LRCH1: variants seen among roughly 807,000 people sequenced by gnomAD.
The protein encoded by LRCH1 is leucine rich repeats and calponin homology domain containing 1.
In LRCH1, 23 loss-of-function variants were observed where a neutral mutation model predicts 94.9. The ratio of observed to expected loss-of-function variants is 0.24; its 90% CI spans 0.17 to 0.34. The LOEUF (loss-of-function observed/expected upper bound fraction) is 0.34. LRCH1 is among the 10% of genes least tolerant of loss of function. LRCH1 has a pLI of 1.00. For missense variants in LRCH1, 790 were observed against 945.9 expected (o/e 0.84, Z 2.16); for synonymous variants, 364 against 354.9 (o/e 1.03, Z -0.29).
intron 1 of LRCH1, among the ~76,000 whole-genome samples, chr13:46,600,711 G>A (rs941435251): frequency 1.3e-5 from 2 of 151,328 alleles, no homozygotes; most frequent in Non-Finnish European, 2.9e-5. Context: ...CTAAGGATAT[G>A]TGTTTCCATT....
chr13:46,688,447 C>T (rs946416044), intron 6 of LRCH1, among the ~76,000 whole-genome samples: 1 of 152,102 alleles, frequency 6.6e-6, no homozygotes, highest in Admixed American at 6.5e-5. Context: ...GTAGTTTTGT[C>T]GCCACTTCCT....
chr13:46,697,609 T>C (rs1056837594), intron 9 of LRCH1, among the ~76,000 whole-genome samples: 1 of 152,160 alleles, frequency 6.6e-6, no homozygotes, highest in Non-Finnish European at 1.5e-5. Context: ...AGGACACTTA[T>C]TTACAATAAG....
At chr13:46,605,448 C>T (rs897940391) in intron 1 of LRCH1, among the ~76,000 whole-genome samples, 2 of 152,078 alleles carry the variant, frequency 1.3e-5, no homozygotes, top group African/African-American at 2.4e-5. Flanking sequence ...CAAAAAATTC[C>T]GGATTATTTT....
At chr13:46,600,997 T>C (rs148636686) in intron 1 of LRCH1, among the ~76,000 whole-genome samples, 1 of 152,362 alleles carries the variant, frequency 6.6e-6, no homozygotes, top group East Asian at 1.9e-4. Flanking sequence ...TGGGGCTTGC[T>C]GAGCAGGTTG....
chr13:46,712,766 T>A (rs1331096646), intron 15 of LRCH1, among the ~76,000 whole-genome samples, 169 bp downstream of exon 15: 1 of 152,234 alleles, frequency 6.6e-6, no homozygotes, highest in East Asian at 1.9e-4. Context: ...TTTCAGTGAA[T>A]CAGCTAAGTC....
At chr13:46,727,032 A>C (rs948271982) in intron 17 of LRCH1, among the ~76,000 whole-genome samples, 3 of 152,206 alleles carry the variant, frequency 2.0e-5, no homozygotes, top group Non-Finnish European at 1.5e-5. Context: ...AGATGACATC[A>C]CTGATATAGC....
In LRCH1 at chr13:46,692,621, A is replaced by G; in HGVS notation, c.1100A>G (p.His367Arg). 6.2e-7 allele frequency: 1 copy of G among 1,613,950 alleles called. No individual in the cohort carries two copies. Residue 367 changes from histidine to arginine, a missense_variant, in exon 8 of 20, where the codon CAT becomes CGT. Transcript: ENST00000389797. ...CAGATCATCAAGGAGGACTCGTGCC[A>G]TCGCCTTAGCCCCGTTAAAGGTCTG... is the stretch of plus-strand genomic sequence containing the variant. Reference protein sequence around the residue: ...EEQIIKEDSCHRLSPVKGEFH... With the variant: ...EEQIIKEDSCRRLSPVKGEFH...
intron 1 of LRCH1, among the ~76,000 whole-genome samples, chr13:46,560,309 C>G (rs551205840): frequency 1.8e-4 from 28 of 152,160 alleles, no homozygotes; most frequent in Middle Eastern, 6.8e-3. Context: ...GGGTTTGTCA[C>G]TCAGGCCATG....
At chr13:46,688,490 C>T (rs1291778937) in intron 6 of LRCH1, among the ~76,000 whole-genome samples, 2 of 152,238 alleles carry the variant, frequency 1.3e-5, no homozygotes, top group Non-Finnish European at 2.9e-5. Flanking sequence ...CCCTTTCACA[C>T]ATCCTAGAGC....
intron 3 of LRCH1, among the ~76,000 whole-genome samples, chr13:46,678,547 A>G (rs1332738921): frequency 6.6e-6 from 1 of 152,212 alleles, no homozygotes; most frequent in Non-Finnish European, 1.5e-5. Flanking sequence ...GACCTTCACC[A>G]TATACCCTCC....
intron 6 of LRCH1, among the ~76,000 whole-genome samples, chr13:46,688,528 C>A (rs1019788606): frequency 6.6e-6 from 1 of 152,132 alleles, no homozygotes; most frequent in Non-Finnish European, 1.5e-5. Context: ...AAGCCTTGAG[C>A]TTCCAAAAAA....
chr13:46,608,202 C>T (rs1398058747), intron 1 of LRCH1, among the ~76,000 whole-genome samples: 1 of 152,188 alleles, frequency 6.6e-6, no homozygotes, highest in Non-Finnish European at 1.5e-5. Flanking sequence ...TTCCCAATCC[C>T]TTGCATTCAC....
At chr13:46,694,004 C>T (rs1358489826) in intron 8 of LRCH1, among the ~76,000 whole-genome samples, 2 of 152,128 alleles carry the variant, frequency 1.3e-5, no homozygotes, top group Non-Finnish European at 2.9e-5. Context: ...TTCTGTTTAC[C>T]TGAGATTATC....
intron 3 of LRCH1, among the ~76,000 whole-genome samples, chr13:46,673,667 C>T (rs560131816): frequency 1.3e-5 from 2 of 152,100 alleles, no homozygotes; most frequent in African/African-American, 2.4e-5. Flanking sequence ...GCTTATTAGG[C>T]TCTAAGCATT....
At chr13:46,639,136 T>C (rs1198148453) in intron 1 of LRCH1, among the ~76,000 whole-genome samples, 1 of 152,210 alleles carries the variant, frequency 6.6e-6, no homozygotes, top group East Asian at 1.9e-4. Flanking sequence ...ATTTATGTAA[T>C]TAGCAACTCA....
At chr13:46,629,604 G>T (rs1168226004) in intron 1 of LRCH1, among the ~76,000 whole-genome samples, 1 of 152,126 alleles carries the variant, frequency 6.6e-6, no homozygotes, top group Admixed American at 6.5e-5. Context: ...TTTGTGGAGG[G>T]CTCTGTGGTT....
At position 46,743,871 on chromosome 13, in the gene LRCH1, AG is replaced by A. The variant is rs1873791321; in HGVS notation, c.*2024del. On this transcript the variant is annotated 3_prime_UTR_variant, in exon 20 of 20. Transcript: ENST00000389797. ...TAAAACATGTTAAAGACAAATTAAA[AG>A]ACATTTATATTTTAATTCTGGCATC... is the stretch of plus-strand genomic sequence containing the variant. 5.1e-6 allele frequency: 5 copies of A among 984,542 alleles called. No individual in the cohort carries two copies. The South Asian group carries it at 2.3e-4, about 46-fold the overall frequency. The allele number at this position is 984,542 out of a possible 1,614,324, so 61.0% of individuals were successfully genotyped here.
chr13:46,653,415 A>T (rs1202102271), intron 2 of LRCH1, among the ~76,000 whole-genome samples: 1 of 152,230 alleles, frequency 6.6e-6, no homozygotes, highest in Non-Finnish European at 1.5e-5. Context: ...TTGTATAAAG[A>T]TATAAAAAAA....
chr13:46,657,495 CTTTTCTTTTTTTTTTT>C (rs2051387051), intron 2 of LRCH1, among the ~76,000 whole-genome samples: 1 of 16,814 alleles, frequency 5.9e-5, no homozygotes, highest in African/African-American at 2.0e-4. Context: ...TTTTTCTTTT[CTTTTCTTTTTTTTTTT>C]TTTTTTTTTT....
Sources: gnomAD v4.1 joint callset for allele counts (sites outside exome capture counted in the v4.1 genomes callset) on GRCh38, gnomAD v4.1.1 for gene constraint, MANE v1.5 for transcripts, NCBI Gene and HGNC (gene_info 2026-07-23, HGNC 2026-07-21) for gene names.